The following GGT1 variants were observed in gnomAD, a reference collection of about 807,000 sequenced individuals.
The protein encoded by GGT1 is gamma-glutamyltransferase 1.
Under a neutral mutation model 56.0 loss-of-function variants are expected in GGT1, and 21 were observed. That is an observed-to-expected ratio of 0.38 (90% confidence interval 0.27 to 0.54). The LOEUF is 0.54. Among genes scored for constraint, GGT1 ranks in the 20% least tolerant of loss-of-function variants. The pLI is 0.82. For missense variants in GGT1, 466 were observed against 787.0 expected, an observed-to-expected ratio of 0.59 and a Z score of 4.88; for synonymous variants, 238 against 342.6, an observed-to-expected ratio of 0.69 and a Z score of 3.37.
upstream of GGT1, among the ~76,000 whole-genome samples, chr22:24,599,937 G>T (rs986313742): frequency 1.3e-5 from 2 of 152,242 alleles, no homozygotes; most frequent in African/African-American, 4.8e-5. Context: ...CACCAGGGAG[G>T]CCTTGAGACA....
the GGT1 span, among the ~76,000 whole-genome samples, chr22:24,587,305 T>C: frequency 6.6e-6 from 1 of 152,112 alleles, no homozygotes; most frequent in African/African-American, 2.4e-5. Context: ...CCGTGTTTTC[T>C]CAGTTAGAAG....
At chr22:24,612,977 C>T (rs1309770914) in intron 5 of GGT1, among the ~76,000 whole-genome samples, 1 of 152,198 alleles carries the variant, frequency 6.6e-6, no homozygotes, top group Non-Finnish European at 1.5e-5. Context: ...AGGTGTGAGC[C>T]ATGGTGCCTG....
At chr22:24,625,066 A>G (rs903102936) in intron 11 of GGT1, among the ~76,000 whole-genome samples, 2 of 152,180 alleles carry the variant, frequency 1.3e-5, no homozygotes, top group African/African-American at 4.8e-5. Context: ...TGCAGTGTGG[A>G]TGTTTCTGTC....
chr22:24,621,290 A>C (rs1458688220), intron 9 of GGT1, among the ~76,000 whole-genome samples: 1 of 152,028 alleles, frequency 6.6e-6, no homozygotes, highest in African/African-American at 2.4e-5. Flanking sequence ...GGGTAAATGC[A>C]GGTGTAGGCA....
chr22:24,597,684 A>ACACACAC (rs60798811), intron 1 of GGT1, among the ~76,000 whole-genome samples: 32 of 148,836 alleles, frequency 2.2e-4, no homozygotes, highest in African/African-American at 7.1e-4. Context: ...CCATCTCAAA[A>ACACACAC]ACACACACAC....
chr22:24,611,304 A>G (rs2046639516), intron 5 of GGT1, 59 bp downstream of exon 5: 2 of 1,018,378 alleles, frequency 2.0e-6, no homozygotes, highest in African/African-American at 1.6e-5. Flanking sequence ...GACCTGAGCA[A>G]TACCTTCACC....
chr22:24,592,792 G>T, upstream of GGT1: 1 of 1,271,058 alleles, frequency 7.9e-7, no homozygotes, highest in Non-Finnish European at 1.0e-6. Flanking sequence ...ATAGCCCCGC[G>T]CCTCCCAGAC....
upstream of GGT1, among the ~76,000 whole-genome samples, chr22:24,592,031 T>C (rs1337483758): frequency 6.6e-6 from 1 of 152,194 alleles, no homozygotes; most frequent in East Asian, 1.9e-4. Flanking sequence ...GTTTCCCCAT[T>C]TCTAATCTAC....
At chr22:24,617,502 G>A (rs1358224887) in intron 7 of GGT1, among the ~76,000 whole-genome samples, 1 of 152,140 alleles carries the variant, frequency 6.6e-6, no homozygotes, top group Admixed American at 6.5e-5. Flanking sequence ...AGAGGGTGCT[G>A]GGAAGTGGCT....
At position 24,606,053 on chromosome 22, in the gene GGT1, TATATTTATATAATTTATATAATATATC is replaced by T. The variant is rs1569050190; in HGVS notation, c.-428-1896_-428-1870del. Among the ~76,000 whole-genome samples the T allele has an allele frequency of 7.3e-3, 416 of 57,300 alleles. 47 individuals are homozygous for T. The highest frequency in any genetic ancestry group is 0.018 in the South Asian group (35 of 1,990). The allele number at this position is 57,300 out of a possible 152,430, so 37.6% of individuals were successfully genotyped here. A position where few individuals can be genotyped will look rare whatever the true frequency, so the allele number is the denominator to read the frequency against. On this transcript the variant is annotated intron_variant, in intron 1 of 15. Coordinates refer to ENST00000400382, the MANE Select transcript of GGT1 (RefSeq NM_001288833.2). Reference sequence around the variant, plus strand: ...ATAATTTATATAATATATCATATATTATATTTATATAATTTATATAATATATCATATATTATATTTATATAATTTATA... The same window carrying T: ...ATAATTTATATAATATATCATATATTATATATTATATTTATATAATTTATA...
the GGT1 span, chr22:24,586,482 C>T: frequency 6.8e-7 from 1 of 1,464,866 alleles, no homozygotes; most frequent in Admixed American, 1.9e-5. Context: ...AGACAGTGAC[C>T]TGTCGGGAAC....
the GGT1 span, chr22:24,586,469 CACAG>C: frequency 6.5e-7 from 1 of 1,532,240 alleles, no homozygotes; most frequent in Non-Finnish European, 8.9e-7. Context: ...CCCCACTGAC[CACAG>C]ACAGTGACCT....
chr22:24,605,181 T>C (rs2046007501), intron 1 of GGT1, among the ~76,000 whole-genome samples: 1 of 74,636 alleles, frequency 1.3e-5, no homozygotes, highest in Non-Finnish European at 2.2e-5. Flanking sequence ...TAATATGTAA[T>C]ATATTATATA....
In GGT1 at chr22:24,623,267, G is replaced by C. The variant is rs909754839; in HGVS notation, c.883+11G>C. Reference sequence around the variant, plus strand: ...TCAACATCCTCAAAGGTGAGTGGTCGCACCACAGCCGTGTGGTAGGACCCA... The same window carrying C: ...TCAACATCCTCAAAGGTGAGTGGTCCCACCACAGCCGTGTGGTAGGACCCA... On this transcript the variant is annotated intron_variant, in intron 10 of 15. Coordinates refer to ENST00000400382, the MANE Select transcript of GGT1 (RefSeq NM_001288833.2). The C allele has an allele frequency of 6.4e-7, 1 of 1,552,942 alleles. No homozygotes were observed. The highest frequency in any genetic ancestry group is 8.7e-7 in the Non-Finnish European group (1 of 1,145,296).
intron 2 of GGT1, among the ~76,000 whole-genome samples, chr22:24,608,585 G>C (rs1226184146): frequency 6.6e-6 from 1 of 152,250 alleles, no homozygotes; most frequent in Middle Eastern, 3.2e-3. Context: ...GGGCTGTCAT[G>C]CTAGGACGGG....
chr22:24,618,611 A>G (rs1179551117), intron 7 of GGT1, among the ~76,000 whole-genome samples: 6 of 152,170 alleles, frequency 3.9e-5, no homozygotes, highest in African/African-American at 1.4e-4. Flanking sequence ...AAAGAAGAAA[A>G]ACAAAACAAA....
chr22:24,623,357 T>C, intron 10 of GGT1, 101 bp downstream of exon 10: 6 of 1,331,966 alleles, frequency 4.5e-6, no homozygotes, highest in Non-Finnish European at 6.3e-6. Flanking sequence ...CCATGCCACG[T>C]CTTTCCATCA....
At chr22:24,606,300 A>C (rs1429663277) in intron 1 of GGT1, among the ~76,000 whole-genome samples, 1 of 151,024 alleles carries the variant, frequency 6.6e-6, no homozygotes, top group Non-Finnish European at 1.5e-5. Flanking sequence ...CCCTCACCCC[A>C]CAACAGGCCC....
Position 24,628,303 on chromosome 22 carries a change from A to G in GGT1, c.1478A>G (p.Tyr493Cys), listed in dbSNP as rs1476370318. The change falls in exon 15 of 16, where the codon TAT (tyrosine) becomes TGT (cysteine). Residue 493 changes from tyrosine to cysteine, a missense_variant. Coordinates refer to ENST00000400382, the MANE Select transcript of GGT1 (RefSeq NM_001288833.2). The surrounding 1 kb of genome is among the most constrained non-coding windows in gnomAD (Gnocchi z 5.7). ...ATCATCTACAACCTCTGGTTCGGCT[A>G]TGACGTGAAGCGGGCCGTGGAGGAG... ...LAIIYNLWFG[Y>C]DVKRAVEEPR... is the part of the protein sequence containing the mutation. 5 of 1,611,844 alleles carry G rather than the reference A, an allele frequency of 3.1e-6. No individual in the cohort carries two copies. The highest frequency in any genetic ancestry group is 1.3e-5 in the African/African-American group (1 of 74,852).
Sources: gnomAD v4.1 joint callset for allele counts (sites outside exome capture counted in the v4.1 genomes callset) on GRCh38, gnomAD v4.1.1 for gene constraint, Gnocchi (gnomAD v3.1) non-coding constraint, MANE v1.5 for transcripts, NCBI Gene and HGNC (gene_info 2026-07-23, HGNC 2026-07-21) for gene names.